The following UNC13C variants were observed in gnomAD, a reference collection of about 807,000 sequenced individuals.
UNC13C encodes protein unc-13 homolog C.
In UNC13C, 174 loss-of-function variants were observed where a neutral mutation model predicts 245.4. The observed-to-expected ratio is 0.71, with a 90% CI of 0.63 to 0.80. The LOEUF (loss-of-function observed/expected upper bound fraction) is 0.80. UNC13C is among the 30% of genes least tolerant of loss of function. The pLI, the probability that UNC13C is intolerant of heterozygous loss-of-function variation, is 0.00. For missense variants in UNC13C, 2,829 were observed against 2,602.9 expected (o/e 1.09, Z -1.89); for synonymous variants, 992 against 895.1 (o/e 1.11, Z -1.93).
intron 2 of UNC13C, among the ~76,000 whole-genome samples, chr15:54,131,170 C>T (rs1246821701): frequency 6.6e-6 from 1 of 152,050 alleles, no homozygotes; most frequent in African/African-American, 2.4e-5. Flanking sequence ...ATCATGTTAC[C>T]TAGTATTTGT....
Position 54,316,676 on chromosome 15 carries a change from G to T in UNC13C, c.4269-5263G>T, listed in dbSNP as rs546988213. Among the ~76,000 whole-genome samples the T allele has an allele frequency of 9.3e-4, 141 of 151,970 alleles. 1 individual carries two copies. The highest frequency in any genetic ancestry group is 2.8e-3 in the Admixed American group (43 of 15,246). ...AAGTGTGCTCAGTAAATATTTGTTG[G>T]ACCAACTTGTAGAGAAGCTAAGCTC... On this transcript the variant is annotated intron_variant, in intron 13 of 32. Transcript: ENST00000260323.
At chr15:53,873,395 C>T in the UNC13C span, among the ~76,000 whole-genome samples, 17 of 152,088 alleles carry the variant, frequency 1.1e-4, no homozygotes, top group Non-Finnish European at 2.4e-4. Flanking sequence ...TTGTTGCTCG[C>T]AAGATCGCTC....
At chr15:54,378,319 T>C (rs1201104910) in intron 17 of UNC13C, among the ~76,000 whole-genome samples, 1 of 152,134 alleles carries the variant, frequency 6.6e-6, no homozygotes, top group Non-Finnish European at 1.5e-5. Context: ...TTTAAAGAGG[T>C]GATATATGAA....
At position 54,015,334 on chromosome 15, in the gene UNC13C, G is replaced by A; in HGVS notation, c.2431G>A (p.Val811Ile). 6.2e-7 allele frequency: 1 copy of A among 1,613,882 alleles called. No homozygotes were observed. Residue 811 changes from valine to isoleucine, a missense_variant, in exon 2 of 33, where the codon GTA becomes ATA. By Grantham distance (29) the Val-to-Ile change is conservative. Coordinates refer to ENST00000260323, the MANE Select transcript of UNC13C (RefSeq NM_001080534.3). Reference sequence around the variant, plus strand: ...GAGGGCTAAATCAGCCTTGGAAGTAGTATGGAACAAAAGCACACAGAGTCT... The same window carrying A: ...GAGGGCTAAATCAGCCTTGGAAGTAATATGGAACAAAAGCACACAGAGTCT... ...LQRAKSALEV[V>I]WNKSTQSLSG...
intron 4 of UNC13C, among the ~76,000 whole-genome samples, chr15:54,187,440 C>G (rs1298977075): frequency 9.0e-6 from 1 of 111,702 alleles, no homozygotes; most frequent in African/African-American, 2.7e-5. Flanking sequence ...AAAGGCCTGA[C>G]CCTTCTCAAT....
chr15:54,529,455 G>A (rs1027807501), intron 25 of UNC13C, among the ~76,000 whole-genome samples: 1 of 152,122 alleles, frequency 6.6e-6, no homozygotes, highest in African/African-American at 2.4e-5. Flanking sequence ...TTTCCATAAT[G>A]TAAATGCTAA....
chr15:54,325,242 C>T (rs1457490640), intron 14 of UNC13C, among the ~76,000 whole-genome samples: 5 of 151,790 alleles, frequency 3.3e-5, no homozygotes, highest in African/African-American at 1.2e-4. Context: ...CAATTTAATT[C>T]CAACATTGAA....
At chr15:54,599,442 A>AGT (rs1899282241) in intron 30 of UNC13C, among the ~76,000 whole-genome samples, 3 of 151,928 alleles carry the variant, frequency 2.0e-5, no homozygotes, top group Non-Finnish European at 4.4e-5. Context: ...CTATTTCTTC[A>AGT]GTATCTGCTT....
intron 19 of UNC13C, among the ~76,000 whole-genome samples, chr15:54,458,332 T>C (rs889212912): frequency 3.9e-5 from 6 of 152,142 alleles, no homozygotes; most frequent in African/African-American, 7.2e-5. Flanking sequence ...GAATTTCCCA[T>C]GTGCTGATGA....
At chr15:54,605,614 C>G (rs1899727722) in intron 30 of UNC13C, among the ~76,000 whole-genome samples, 1 of 152,170 alleles carries the variant, frequency 6.6e-6, no homozygotes, top group South Asian at 2.1e-4. Context: ...TAAAGTTCCT[C>G]AGGTGTTTCC....
chr15:53,864,519 A>G, the UNC13C span, among the ~76,000 whole-genome samples: 1 of 152,226 alleles, frequency 6.6e-6, no homozygotes, highest in South Asian at 2.1e-4. Context: ...CTTTTAGTCA[A>G]AGGAATATTA....
chr15:54,335,231 A>G (rs935254386), intron 16 of UNC13C, among the ~76,000 whole-genome samples: 8 of 151,998 alleles, frequency 5.3e-5, no homozygotes, highest in African/African-American at 1.9e-4. Flanking sequence ...TCCCCTATGT[A>G]TGTGCTATTG....
intron 17 of UNC13C, among the ~76,000 whole-genome samples, chr15:54,346,504 C>G (rs531640787): frequency 6.6e-6 from 1 of 152,176 alleles, no homozygotes; most frequent in Admixed American, 6.5e-5. Flanking sequence ...AATTCCAGCA[C>G]TATTAGACAC....
chr15:54,618,666 T>A (rs572488436), intron 30 of UNC13C, among the ~76,000 whole-genome samples: 8 of 152,216 alleles, frequency 5.3e-5, no homozygotes, highest in African/African-American at 1.4e-4. Context: ...GTAAAGCAAA[T>A]CTTCCGAATG....
rs2032092754 is a variant in UNC13C at position 54,143,000 on chromosome 15, T to C, written c.2984-18T>C. ...CTCCATCTAACATTTATCCCTTCTT[T>C]TCCTGATTCTCTTTCAGATAGCAGT... On this transcript the variant is annotated intron_variant, in intron 2 of 32. Coordinates refer to ENST00000260323, the MANE Select transcript of UNC13C (RefSeq NM_001080534.3). 1 of 1,610,832 alleles carries C rather than the reference T, an allele frequency of 6.2e-7. No homozygotes were observed.
At chr15:54,106,179 TA>T (rs1293688620) in intron 2 of UNC13C, among the ~76,000 whole-genome samples, 3 of 152,200 alleles carry the variant, frequency 2.0e-5, no homozygotes, top group African/African-American at 7.2e-5. Context: ...CATCTACCTT[TA>T]TTTGAAATAA....
intron 19 of UNC13C, among the ~76,000 whole-genome samples, chr15:54,452,779 G>C (rs1308194991): frequency 3.9e-5 from 6 of 152,216 alleles, no homozygotes; most frequent in African/African-American, 1.2e-4. Flanking sequence ...TAGGTAGCTG[G>C]CTGGGGAGTG....
intron 17 of UNC13C, among the ~76,000 whole-genome samples, chr15:54,377,400 G>C (rs2140893061): frequency 6.6e-6 from 1 of 152,304 alleles, no homozygotes; most frequent in South Asian, 2.1e-4. Flanking sequence ...CACTTGTTAG[G>C]TGTGTACCCA....
chr15:54,375,161 G>T (rs749426674), intron 17 of UNC13C, among the ~76,000 whole-genome samples: 1 of 152,166 alleles, frequency 6.6e-6, no homozygotes, highest in Non-Finnish European at 1.5e-5. Context: ...GTAATTGACT[G>T]CACTAGGTAA....
Sources: allele counts gnomAD v4.1 joint callset (sites outside exome capture counted in the v4.1 genomes callset), GRCh38; gene constraint gnomAD v4.1.1; transcripts MANE v1.5; gene names NCBI Gene and HGNC (gene_info 2026-07-23, HGNC 2026-07-21).